The following CCNT2 variants were observed in gnomAD, a reference collection of about 807,000 sequenced individuals.
The protein encoded by CCNT2 is cyclin-T2.
In CCNT2, 18 loss-of-function variants were observed where a neutral mutation model predicts 70.0. The ratio of observed to expected loss-of-function variants is 0.26; its 90% CI spans 0.18 to 0.38. CCNT2 has a LOEUF of 0.38. Ranked by LOEUF, CCNT2 falls within the 10% of genes least tolerant of loss-of-function variation. The pLI is 1.00. For synonymous variants in CCNT2, 334 were observed against 313.3 expected, an observed-to-expected ratio of 1.07 and a Z score of -0.70; for missense variants, 734 against 890.2, an observed-to-expected ratio of 0.82 and a Z score of 2.23.
rs1174134007 is a variant in CCNT2, at chr2:134,953,523, C to T, written c.1068C>T (p.Asp356=). 1.9e-6 allele frequency: 3 copies of T among 1,614,212 alleles called. No individual in the cohort carries two copies. Among genetic ancestry groups the T allele is most frequent in the South Asian group, 2.2e-5 (2 of 91,084 alleles). ...ACCAGGAATGGCCTCAACATCAAGA[C>T]TCAGCAAGGACAGAACAGCTATATT... is the stretch of plus-strand genomic sequence containing the variant. ...SSHQEWPQHQ[D]SARTEQLYSQ... The change falls in exon 9 of 9, where the codon GAC becomes GAT. Residue 356 remains aspartate, a synonymous_variant. Coordinates refer to ENST00000264157, the MANE Select transcript of CCNT2 (RefSeq NM_058241.3).
intron 5 of CCNT2, chr2:134,945,805 CT>C: frequency 1.4e-6 from 2 of 1,396,658 alleles, no homozygotes; most frequent in Non-Finnish European, 1.9e-6. Context: ...TTTATTGCAA[CT>C]TTTAGCTGAC....
chr2:134,943,706 T>C (rs1681738927), intron 5 of CCNT2: 1 of 985,086 alleles, frequency 1.0e-6, no homozygotes, highest in Non-Finnish European at 1.2e-6. Flanking sequence ...CCTAGAAATA[T>C]TTTTTACACA....
intron 7 of CCNT2, among the ~76,000 whole-genome samples, chr2:134,948,380 CAAGAT>C (rs759071439): frequency 6.6e-6 from 1 of 152,120 alleles, no homozygotes; most frequent in Non-Finnish European, 1.5e-5. Flanking sequence ...CATAAGCTGA[CAAGAT>C]AAGAATAGTG....
intron 2 of CCNT2, among the ~76,000 whole-genome samples, chr2:134,926,002 A>C (rs1382609757): frequency 6.6e-6 from 1 of 151,538 alleles, no homozygotes; most frequent in African/African-American, 2.4e-5. Context: ...AGTAGCTGGA[A>C]TTACAGGCAC....
chr2:134,957,821 T>G lies in CCNT2; in HGVS notation c.*3173T>G, dbSNP rs931600910. The G allele has an allele frequency of 8.5e-5, 13 of 152,172 alleles. No homozygotes were observed. Among genetic ancestry groups the G allele is most frequent in the African/African-American group, 2.9e-4 (12 of 41,446 alleles). The allele number at this position is 152,172 out of a possible 1,614,324, so 9.4% of individuals were successfully genotyped here. A position where few individuals can be genotyped will look rare whatever the true frequency, so the allele number is the denominator to read the frequency against. The stretch of plus-strand genomic sequence containing the variant: ...TTATTCAGAGTCATCTAAAAGAAAT[T>G]TCTAACATGATGTATGGTTTCTTGA... On this transcript the variant is annotated 3_prime_UTR_variant, in exon 9 of 9. Coordinates refer to ENST00000264157, the MANE Select transcript of CCNT2 (RefSeq NM_058241.3).
At chr2:134,945,887 A>C in intron 5 of CCNT2, 1 of 1,515,110 alleles carries the variant, frequency 6.6e-7, no homozygotes, top group Non-Finnish European at 8.8e-7. Flanking sequence ...CTTGTTTCTC[A>C]GATCTTTGGG....
intron 5 of CCNT2, chr2:134,943,019 G>T (rs1573837127): frequency 1.0e-6 from 1 of 985,232 alleles, no homozygotes; most frequent in Non-Finnish European, 1.2e-6. Flanking sequence ...ATTAATTTTG[G>T]GTTTGTGTCA....
chr2:134,940,151 G>A (rs946690115), intron 4 of CCNT2, among the ~76,000 whole-genome samples: 6 of 152,066 alleles, frequency 3.9e-5, no homozygotes, highest in African/African-American at 1.2e-4. Context: ...ATAGAAGTGC[G>A]ATAAATCAGT....
Position 134,954,726 on chromosome 2 carries a change from C to A in CCNT2, c.*78C>A. The stretch of plus-strand genomic sequence containing the variant: ...AATGGAAAAATTCCTTCTGATCTAG[C>A]AGTGGTAACCCCTGCTGTTGCTGCC... On this transcript the variant is annotated 3_prime_UTR_variant, in exon 9 of 9. Transcript: ENST00000264157. 2.3e-6 allele frequency: 2 copies of A among 877,544 alleles called. No individual in the cohort carries two copies. Among genetic ancestry groups the A allele is most frequent in the Non-Finnish European group, 3.6e-6 (2 of 548,948 alleles). The allele number at this position is 877,544 out of a possible 1,614,324, so 54.4% of individuals were successfully genotyped here. A position where few individuals can be genotyped will look rare whatever the true frequency, so the allele number is the denominator to read the frequency against.
At position 134,954,462 on chromosome 2, in the gene CCNT2, T is replaced by TC; in HGVS notation, c.2012dup (p.Val672CysfsTer27). ...TTTTTAACCATCCCTTACCCCCTCC[T>TC]CCCCCTGTCACATACCAGGTGGGCT... On this transcript the variant is annotated frameshift_variant, in exon 9 of 9. Transcript: ENST00000264157. LOFTEE classifies it high-confidence loss of function. 6.2e-7 allele frequency: 1 copy of TC among 1,613,774 alleles called. No homozygotes were observed. The highest frequency in any genetic ancestry group is 8.5e-7 in the Non-Finnish European group (1 of 1,179,916).
intron 3 of CCNT2, among the ~76,000 whole-genome samples, 183 bp from the exon 4 acceptor site, chr2:134,938,819 A>G (rs958626635): frequency 4.6e-5 from 7 of 152,202 alleles, no homozygotes; most frequent in Admixed American, 2.0e-4. Flanking sequence ...ACAGAAAGTA[A>G]TTCAGTTTAG....
At chr2:134,948,856 A>G (rs950531360) in intron 7 of CCNT2, among the ~76,000 whole-genome samples, 2 of 151,768 alleles carry the variant, frequency 1.3e-5, no homozygotes, top group Non-Finnish European at 2.9e-5. Context: ...CTGGGACTGC[A>G]GGCACGAGCC....
Position 134,947,893 on chromosome 2 carries a change from T to C in CCNT2, c.697T>C (p.Leu233=). ...YVDPTVTLEL[L]DELTHEFLQI... The stretch of plus-strand genomic sequence containing the variant: ...GGATCCTACAGTTACTCTAGAATTA[T>C]TAGATGGTAAGTAGAGAAAATAAAT... The change falls in exon 7 of 9, where the codon TTA becomes CTA. Residue 233 remains leucine, a synonymous_variant. Transcript: ENST00000264157. The C allele has an allele frequency of 1.4e-6, 2 of 1,479,898 alleles. No individual in the cohort carries two copies. The highest frequency in any genetic ancestry group is 1.8e-6 in the Non-Finnish European group (2 of 1,094,612). The allele number at this position is 1,479,898 out of a possible 1,614,324, so 91.7% of individuals were successfully genotyped here. A position where few individuals can be genotyped will look rare whatever the true frequency, so the allele number is the denominator to read the frequency against.
intron 7 of CCNT2, among the ~76,000 whole-genome samples, chr2:134,952,246 G>A (rs537563582): frequency 1.3e-5 from 2 of 152,130 alleles, no homozygotes; most frequent in East Asian, 3.9e-4. Context: ...GGGAAGATAC[G>A]TTGGGATTAT....
intron 6 of CCNT2, chr2:134,946,511 A>G (rs1433324014): frequency 2.5e-5 from 16 of 646,726 alleles, no homozygotes; most frequent in East Asian, 1.1e-4. Flanking sequence ...TTAAATGACA[A>G]TTTTTAAAAT....
At chr2:134,934,480 C>T (rs1681008321) in intron 2 of CCNT2, among the ~76,000 whole-genome samples, 1 of 152,226 alleles carries the variant, frequency 6.6e-6, no homozygotes, top group South Asian at 2.1e-4. Flanking sequence ...ATTTGGAATT[C>T]TTTTAAGCCT....
Position 134,954,403 on chromosome 2 carries a change from T to C in CCNT2, c.1948T>C (p.Ser650Pro), listed in dbSNP as rs777414077. The change falls in exon 9 of 9, where the codon TCT becomes CCT. Residue 650 changes from serine (S) to proline (P), a missense_variant. Around this residue, in one of 3 missense-constraint regions of CCNT2, gnomAD observed 532 missense variants for 556.9 expected, o/e 0.96. Coordinates refer to ENST00000264157, the MANE Select transcript of CCNT2 (RefSeq NM_058241.3). Reference sequence around the variant, plus strand: ...AGGTAGTTCATCTAGTTCTTCCTCCTCTGTTAAGCAGTATATATCCTCTCA... The same window carrying C: ...AGGTAGTTCATCTAGTTCTTCCTCCCCTGTTAAGCAGTATATATCCTCTCA... ...SSGSSSSSSSSVKQYISSHNS... is the reference protein window; with the variant it reads ...SSGSSSSSSSPVKQYISSHNS... The C allele has an allele frequency of 1.9e-6, 3 of 1,614,078 alleles. No individual in the cohort carries two copies. The highest frequency in any genetic ancestry group is 2.5e-6 in the Non-Finnish European group (3 of 1,179,936).
At chr2:134,924,646 C>T (rs1030933246) in intron 2 of CCNT2, among the ~76,000 whole-genome samples, 6 of 152,132 alleles carry the variant, frequency 3.9e-5, no homozygotes, top group African/African-American at 1.4e-4. Context: ...GACGGGTTTT[C>T]ACCATGTTGG....
chr2:134,944,396 T>G, intron 5 of CCNT2: 1 of 965,564 alleles, frequency 1.0e-6, no homozygotes, highest in Non-Finnish European at 1.2e-6. Flanking sequence ...AATATTAACT[T>G]AGGAAATTGG....
Sources: gnomAD v4.1 joint callset for allele counts (sites outside exome capture counted in the v4.1 genomes callset) on GRCh38, gnomAD v4.1.1 for gene constraint, gnomAD v4.1.1 regional missense constraint, MANE v1.5 for transcripts, NCBI Gene and HGNC (gene_info 2026-07-23, HGNC 2026-07-21) for gene names.